The following PPP6R2 variants were observed in gnomAD, a reference collection of about 807,000 sequenced individuals.
PPP6R2 encodes protein phosphatase 6 regulatory subunit 2.
In PPP6R2, 62 loss-of-function variants were observed where a neutral mutation model predicts 100.2. That is an observed-to-expected ratio of 0.62 (90% confidence interval 0.50 to 0.76). PPP6R2 has a LOEUF of 0.76. PPP6R2 is among the 30% of genes least tolerant of loss of function. The pLI is 0.00. For missense variants in PPP6R2, 1,142 were observed against 1,276.3 expected (o/e 0.89, Z 1.60); for synonymous variants, 525 against 514.7 (o/e 1.02, Z -0.27).
the PPP6R2 span, among the ~76,000 whole-genome samples, chr22:50,333,760 T>C: frequency 3.9e-5 from 6 of 152,070 alleles, no homozygotes; most frequent in African/African-American, 1.4e-4. Context: ...GACAAAGAGA[T>C]AGAAGAAAAG....
chr22:50,336,582 C>G, the PPP6R2 span, among the ~76,000 whole-genome samples: 1 of 151,498 alleles, frequency 6.6e-6, no homozygotes, highest in Non-Finnish European at 1.5e-5. Flanking sequence ...TTTTTAGAGA[C>G]TGGGTCTCAC....
chr22:50,395,001 C>CA (rs1317957724), intron 3 of PPP6R2, among the ~76,000 whole-genome samples: 1 of 151,104 alleles, frequency 6.6e-6, no homozygotes, highest in Admixed American at 6.6e-5. Flanking sequence ...TGGTACACGT[C>CA]AGAGTGTTTT....
At chr22:50,441,214 T>A in intron 22 of PPP6R2, 188 bp downstream of exon 22, 1 of 591,794 alleles carries the variant, frequency 1.7e-6, no homozygotes, top group East Asian at 2.8e-5. Context: ...CGCGTTTACG[T>A]GGAGGCCAGA....
intron 2 of PPP6R2, among the ~76,000 whole-genome samples, chr22:50,372,850 G>A (rs1259881712): frequency 6.6e-6 from 1 of 151,684 alleles, no homozygotes; most frequent in African/African-American, 2.4e-5. Context: ...CACCACACCT[G>A]GCTAATTTTT....
intron 1 of PPP6R2, among the ~76,000 whole-genome samples, chr22:50,365,421 G>A (rs1346749046): frequency 6.6e-6 from 1 of 151,798 alleles, no homozygotes; most frequent in Non-Finnish European, 1.5e-5. Flanking sequence ...GCTCACGCCT[G>A]TAATCCCAGC....
At chr22:50,390,408 A>G (rs1025784529) in intron 2 of PPP6R2, among the ~76,000 whole-genome samples, 4 of 152,226 alleles carry the variant, frequency 2.6e-5, no homozygotes, top group Non-Finnish European at 5.9e-5. Flanking sequence ...TTGGTGTACT[A>G]TGTTAATATC....
intron 1 of PPP6R2, among the ~76,000 whole-genome samples, chr22:50,362,467 C>T (rs2047983623): frequency 6.6e-6 from 1 of 152,168 alleles, no homozygotes; most frequent in Non-Finnish European, 1.5e-5. Context: ...GTCAGCTCTT[C>T]TCAGCCCGTC....
chr22:50,427,935 C>T lies in PPP6R2; in HGVS notation c.1126-3238C>T, dbSNP rs376394762. Reference sequence around the variant, plus strand: ...CAGGGTTTCACCATATTAGCCAGGACGGTCTCGATCTCCTGACCTCGTGAT... The same window carrying T: ...CAGGGTTTCACCATATTAGCCAGGATGGTCTCGATCTCCTGACCTCGTGAT... On this transcript the variant is annotated intron_variant, in intron 10 of 23. Coordinates refer to ENST00000612753, the MANE Select transcript of PPP6R2 (RefSeq NM_001242898.2). 6.3e-3 allele frequency among the ~76,000 whole-genome samples: 955 copies of T among 151,898 alleles called. 4 individuals are homozygous for T. Among genetic ancestry groups the T allele is most frequent in the African/African-American group, 0.01 (427 of 41,502 alleles).
At position 50,343,553 on chromosome 22, in the gene PPP6R2, G is replaced by A. The variant is rs1474250354; in HGVS notation, c.-148+3G>A. 6.6e-6 allele frequency: 1 copy of A among 152,370 alleles called. No homozygotes were observed. Among genetic ancestry groups the A allele is most frequent in the Non-Finnish European group, 1.5e-5 (1 of 68,148 alleles). 9.4% of individuals were successfully genotyped at this position (152,370 alleles called of 1,614,324 possible). A position where few individuals can be genotyped will look rare whatever the true frequency, so the allele number is the denominator to read the frequency against. ...GCGACGCCCGGCCCGCAGGGCAGGT[G>A]AGTGCGGCCGCCCGCCGCTCAGACC... On this transcript the variant is annotated splice_donor_region_variant and intron_variant, in intron 1 of 23. Transcript: ENST00000612753.
At chr22:50,411,896 T>C (rs2059798307) in intron 4 of PPP6R2, among the ~76,000 whole-genome samples, 1 of 151,484 alleles carries the variant, frequency 6.6e-6, no homozygotes, top group Non-Finnish European at 1.5e-5. Flanking sequence ...ATACAAAAAA[T>C]TGGCTGGACG....
intron 1 of PPP6R2, among the ~76,000 whole-genome samples, chr22:50,351,497 A>C (rs989515954): frequency 1.3e-5 from 2 of 151,428 alleles, no homozygotes; most frequent in South Asian, 4.2e-4. Context: ...CCTAGATGGC[A>C]CCTTCTTCCA....
intron 1 of PPP6R2, among the ~76,000 whole-genome samples, chr22:50,366,363 T>A (rs1054714021): frequency 6.7e-6 from 1 of 149,988 alleles, no homozygotes; most frequent in African/African-American, 2.5e-5. Context: ...TAGGCTGGAG[T>A]GCAGTGGTGC....
chr22:50,386,303 A>C (rs1204099225), intron 2 of PPP6R2, among the ~76,000 whole-genome samples: 2 of 151,104 alleles, frequency 1.3e-5, no homozygotes, highest in Admixed American at 6.6e-5. Context: ...CACCATACCC[A>C]GCTAATTTTG....
At chr22:50,409,760 T>G (rs2147265855) in intron 4 of PPP6R2, among the ~76,000 whole-genome samples, 1 of 151,992 alleles carries the variant, frequency 6.6e-6, no homozygotes, top group South Asian at 2.1e-4. Flanking sequence ...GGAGTTTTGC[T>G]TTGTTGCCAA....
At chr22:50,350,701 C>T (rs953538467) in intron 1 of PPP6R2, among the ~76,000 whole-genome samples, 39 of 150,420 alleles carry the variant, frequency 2.6e-4, no homozygotes, top group African/African-American at 8.0e-4. Flanking sequence ...AAAAATTAGC[C>T]GGGTGTGGTG....
At chr22:50,348,783 A>G (rs781294271) in intron 1 of PPP6R2, among the ~76,000 whole-genome samples, 1 of 152,226 alleles carries the variant, frequency 6.6e-6, no homozygotes, top group East Asian at 1.9e-4. Context: ...TTAAAAGCAC[A>G]TGGGCTGGGT....
At chr22:50,438,888 A>C in intron 19 of PPP6R2, 126 bp downstream of exon 19, 1 of 1,022,372 alleles carries the variant, frequency 9.8e-7, no homozygotes, top group Admixed American at 2.8e-5. Context: ...CCGGAGCCTG[A>C]ATCCCCAGCT....
chr22:50,340,997 A>G (rs1300015000), upstream of PPP6R2, among the ~76,000 whole-genome samples: 1 of 151,698 alleles, frequency 6.6e-6, no homozygotes, highest in Non-Finnish European at 1.5e-5. Flanking sequence ...TGCAACCTTC[A>G]CCTCCCGGGT....
chr22:50,389,931 C>T (rs1602985805), intron 2 of PPP6R2, among the ~76,000 whole-genome samples: 1 of 151,472 alleles, frequency 6.6e-6, no homozygotes, highest in East Asian at 1.9e-4. Flanking sequence ...GTGGGGAGAG[C>T]TGATAGAAAC....
Sources: gnomAD v4.1 joint callset for allele counts (sites outside exome capture counted in the v4.1 genomes callset) on GRCh38, gnomAD v4.1.1 for gene constraint, MANE v1.5 for transcripts, NCBI Gene and HGNC (gene_info 2026-07-23, HGNC 2026-07-21) for gene names.